The following BAALC variants were observed in gnomAD, a reference collection of about 807,000 sequenced individuals.
BAALC encodes BAALC binder of MAP3K1 and KLF4.
BAALC carries 9 observed loss-of-function variants against 15.5 expected under a neutral mutation model. The ratio of observed to expected loss-of-function variants is 0.58; its 90% CI spans 0.35 to 1.02. The LOEUF is 1.02. Among genes scored for constraint, BAALC ranks in the 50% least tolerant of loss-of-function variants. The pLI is 0.02. For synonymous variants in BAALC, 80 were observed against 74.6 expected (o/e 1.07, Z -0.37); for missense variants, 201 against 192.4 (o/e 1.04, Z -0.27).
intron 1 of BAALC, among the ~76,000 whole-genome samples, chr8:103,182,626 C>CT (rs1169557802): frequency 6.6e-6 from 1 of 152,156 alleles, no homozygotes; most frequent in Admixed American, 6.5e-5. Flanking sequence ...AGTAGAGACC[C>CT]TATGTTATTG....
chr8:103,186,790 C>T (rs925038101), intron 1 of BAALC, among the ~76,000 whole-genome samples: 8 of 152,168 alleles, frequency 5.3e-5, no homozygotes, highest in Admixed American at 2.0e-4. Context: ...GAACTTGTGA[C>T]TAAGCAGATG....
intron 1 of BAALC, among the ~76,000 whole-genome samples, chr8:103,143,534 G>C (rs1810826887): frequency 6.6e-6 from 1 of 152,148 alleles, no homozygotes; most frequent in African/African-American, 2.4e-5. Context: ...AGCTGGAGAA[G>C]GTCTCTGGAA....
intron 1 of BAALC, among the ~76,000 whole-genome samples, chr8:103,178,965 CTGAGA>C (rs1446525098): frequency 6.6e-6 from 1 of 151,806 alleles, no homozygotes; most frequent in Non-Finnish European, 1.5e-5. Context: ...AGAAGGAAAG[CTGAGA>C]TAAGATTGCT....
intron 2 of BAALC, among the ~76,000 whole-genome samples, chr8:103,225,582 A>G (rs1042790849): frequency 6.6e-6 from 1 of 152,180 alleles, no homozygotes; most frequent in African/African-American, 2.4e-5. Context: ...AGTCAGCGGA[A>G]CAGCTGTAGT....
At chr8:103,186,606 C>T (rs1260280320) in intron 1 of BAALC, among the ~76,000 whole-genome samples, 2 of 152,172 alleles carry the variant, frequency 1.3e-5, no homozygotes, top group East Asian at 3.8e-4. Flanking sequence ...TCAAGCTAAT[C>T]TTCCTGCTAC....
chr8:103,187,268 C>T (rs1811861152), intron 1 of BAALC, among the ~76,000 whole-genome samples: 1 of 152,182 alleles, frequency 6.6e-6, no homozygotes. Flanking sequence ...TGCTTGAGAG[C>T]AGTGGTTCTC....
rs1338349240 is a variant in BAALC, at chr8:103,208,499, T to A, written c.161-4420T>A. On this transcript the variant is annotated intron_variant, in intron 1 of 2. Coordinates refer to ENST00000309982, the MANE Select transcript of BAALC (RefSeq NM_024812.3). ...CTCAGTTATGGCAGCTCTGCCTTGG[T>A]CTGTTTTATGGGTTGGCAGGGATAG... The A allele has an allele frequency of 2.6e-5, 4 of 152,146 alleles. No individual in the cohort carries two copies. The South Asian group carries it at 8.3e-4, about 32-fold the overall frequency. The allele number at this position is 152,146 out of a possible 1,614,324, so 9.4% of individuals were successfully genotyped here.
chr8:103,181,331 G>T (rs1448625246), intron 1 of BAALC, among the ~76,000 whole-genome samples: 1 of 152,138 alleles, frequency 6.6e-6, no homozygotes, highest in African/African-American at 2.4e-5. Flanking sequence ...GGAGTGCAGT[G>T]GCGCAATCTC....
intron 2 of BAALC, among the ~76,000 whole-genome samples, chr8:103,224,010 G>T (rs548143140): frequency 6.6e-6 from 1 of 152,260 alleles, no homozygotes; most frequent in Admixed American, 6.5e-5. Context: ...GATGGAATTG[G>T]TCTCATAATT....
intron 1 of BAALC, among the ~76,000 whole-genome samples, chr8:103,190,448 C>T (rs895163506): frequency 8.5e-5 from 13 of 152,268 alleles, no homozygotes; most frequent in African/African-American, 3.1e-4. Context: ...CAGTCTCACC[C>T]GCTTTCATCC....
chr8:103,174,346 G>A (rs1191975223), intron 1 of BAALC, among the ~76,000 whole-genome samples: 1 of 152,070 alleles, frequency 6.6e-6, no homozygotes, highest in African/African-American at 2.4e-5. Flanking sequence ...TGGTGAGACT[G>A]GACCTTTGCA....
chr8:103,168,853 G>A (rs1358417861), intron 1 of BAALC, among the ~76,000 whole-genome samples: 1 of 152,034 alleles, frequency 6.6e-6, no homozygotes, highest in African/African-American at 2.4e-5. Context: ...TTCTATGTAA[G>A]AGGTGACATT....
intron 1 of BAALC, among the ~76,000 whole-genome samples, chr8:103,210,230 C>G (rs1812422034): frequency 6.6e-6 from 1 of 152,232 alleles, no homozygotes; most frequent in Admixed American, 6.5e-5. Flanking sequence ...TGGGACAAGC[C>G]TAGCTGCAGG....
chr8:103,195,208 G>A (rs765096527), intron 1 of BAALC, among the ~76,000 whole-genome samples: 7 of 152,058 alleles, frequency 4.6e-5, no homozygotes, highest in African/African-American at 9.7e-5. Context: ...TGTGGCAAGA[G>A]GGAAGGAAAG....
chr8:103,142,596 A>T (rs1447985244), intron 1 of BAALC, among the ~76,000 whole-genome samples: 1 of 152,216 alleles, frequency 6.6e-6, no homozygotes, highest in Non-Finnish European at 1.5e-5. Flanking sequence ...GGGTGAAAAG[A>T]TCTAGCATGA....
rs114514229 is a variant in BAALC, at chr8:103,197,204, T to C, written c.161-15715T>C. 6.2e-3 allele frequency among the ~76,000 whole-genome samples: 937 copies of C among 152,248 alleles called. 9 individuals are homozygous for C. The highest frequency in any genetic ancestry group is 0.021 in the African/African-American group (869 of 41,554). The stretch of plus-strand genomic sequence containing the variant: ...ATTGTAGATTTTTTTGTTTTAATAA[T>C]GTAAGTTAACACAAATGCACGTGAA... On this transcript the variant is annotated intron_variant, in intron 1 of 2. Coordinates refer to ENST00000309982, the MANE Select transcript of BAALC (RefSeq NM_024812.3).
chr8:103,211,295 T>G (rs1261476090), intron 1 of BAALC, among the ~76,000 whole-genome samples: 1 of 152,250 alleles, frequency 6.6e-6, no homozygotes, highest in Non-Finnish European at 1.5e-5. Context: ...CAGCCCTCTG[T>G]GCTACCATGG....
intron 1 of BAALC, among the ~76,000 whole-genome samples, chr8:103,167,723 A>T (rs1826642): frequency 0.13 from 20,426 of 152,120 alleles, 1,748 homozygotes; most frequent in East Asian, 0.41. Flanking sequence ...GCAAGCCATG[A>T]GTGAGGGGAG....
At chr8:103,195,101 T>G (rs1377293628) in intron 1 of BAALC, among the ~76,000 whole-genome samples, 1 of 152,136 alleles carries the variant, frequency 6.6e-6, no homozygotes, top group African/African-American at 2.4e-5. Flanking sequence ...CTGTAGACCT[T>G]CTAGTCCCAG....
Sources: allele counts gnomAD v4.1 joint callset (sites outside exome capture counted in the v4.1 genomes callset), GRCh38; gene constraint gnomAD v4.1.1; transcripts MANE v1.5; gene names NCBI Gene and HGNC (gene_info 2026-07-23, HGNC 2026-07-21).